PANK1: variants seen among roughly 807,000 people sequenced by gnomAD.
PANK1 encodes the protein pantothenate kinase 1.
In PANK1, 18 loss-of-function variants were observed where a neutral mutation model predicts 40.1. That is an observed-to-expected ratio of 0.45 (90% CI 0.31 to 0.67). The LOEUF (loss-of-function observed/expected upper bound fraction) is 0.67. Ranked by LOEUF, PANK1 falls within the 30% of genes least tolerant of loss-of-function variation. PANK1 has a pLI of 0.06. For missense variants in PANK1, 457 were observed against 599.6 expected (o/e 0.76, Z 2.48); for synonymous variants, 242 against 237.7 (o/e 1.02, Z -0.17).
chr10:89,627,957 G>A (rs1220902468), intron 1 of PANK1, among the ~76,000 whole-genome samples: 3 of 152,166 alleles, frequency 2.0e-5, no homozygotes, highest in Non-Finnish European at 4.4e-5. Flanking sequence ...GGCTATTAGG[G>A]AAATGCACAT....
chr10:89,615,494 C>T (rs147103313), intron 1 of PANK1, among the ~76,000 whole-genome samples: 64 of 152,292 alleles, frequency 4.2e-4, no homozygotes, highest in African/African-American at 1.5e-3. Flanking sequence ...GGCAACTCAA[C>T]AGAACAATTG....
intron 1 of PANK1, among the ~76,000 whole-genome samples, chr10:89,639,697 C>T (rs1244650742): frequency 6.6e-6 from 1 of 152,220 alleles, no homozygotes; most frequent in South Asian, 2.1e-4. Flanking sequence ...CCCACTAGGG[C>T]CCTGCCCAGC....
At chr10:89,603,135 G>A (rs1457314970) in intron 2 of PANK1, among the ~76,000 whole-genome samples, 1 of 152,068 alleles carries the variant, frequency 6.6e-6, no homozygotes, top group Non-Finnish European at 1.5e-5. Flanking sequence ...AAGATATGCT[G>A]GTAAATGTTT....
intron 1 of PANK1, 52 bp downstream of exon 1, chr10:89,644,548 C>G: frequency 6.6e-7 from 1 of 1,511,510 alleles, no homozygotes; most frequent in Non-Finnish European, 8.9e-7. Flanking sequence ...AGTCCCGGGC[C>G]CCGCACGCTG....
chr10:89,595,870 AT>A lies in PANK1; in HGVS notation c.900-1882del, dbSNP rs1564620211. Among the ~76,000 whole-genome samples the A allele has an allele frequency of 5.8e-3, 665 of 115,450 alleles. 33 individuals carry two copies. The highest frequency in any genetic ancestry group is 0.016 in the East Asian group (62 of 3,798). The allele number at this position is 115,450 out of a possible 152,430, so 75.7% of individuals were successfully genotyped here. ...TATATATATATATATATATATATAT[AT>A]ATAACTTCATTTACTAATATATATA... On this transcript the variant is annotated intron_variant, in intron 3 of 6. Transcript: ENST00000307534.
At chr10:89,589,128 TC>T (rs1357076885) in intron 5 of PANK1, among the ~76,000 whole-genome samples, 1 of 152,052 alleles carries the variant, frequency 6.6e-6, no homozygotes, top group Admixed American at 6.5e-5. Context: ...AATACCTCAA[TC>T]CCCCAACTTC....
At chr10:89,643,779 A>G in intron 1 of PANK1, 2 of 1,611,712 alleles carry the variant, frequency 1.2e-6, no homozygotes, top group Non-Finnish European at 1.7e-6. Flanking sequence ...AAGAAAAACC[A>G]GCTGTAAACT....
At chr10:89,617,402 G>A (rs1443200631) in intron 1 of PANK1, among the ~76,000 whole-genome samples, 1 of 152,146 alleles carries the variant, frequency 6.6e-6, no homozygotes, top group East Asian at 1.9e-4. Context: ...GACTTTGAAA[G>A]TCTAATGTTA....
chr10:89,606,772 C>T (rs1211876687), intron 2 of PANK1, among the ~76,000 whole-genome samples: 2 of 152,214 alleles, frequency 1.3e-5, no homozygotes, highest in Admixed American at 6.5e-5. Flanking sequence ...GATCCACCCA[C>T]CTTAGCCTCC....
chr10:89,636,423 G>GC (rs1282219605), intron 1 of PANK1, among the ~76,000 whole-genome samples: 2 of 151,710 alleles, frequency 1.3e-5, no homozygotes, highest in Non-Finnish European at 2.9e-5. Context: ...TGCAGGCTCG[G>GC]CCCCCCGGGG....
rs539361541 is a variant in PANK1 at position 89,592,526 on chromosome 10, T to A, written c.1200+671A>T. ...CAGATCTACTGTGGTTCTTTAATAC[T>A]CTCCTATGACCTGTTCCATGCCTCA... On this transcript the variant is annotated intron_variant, in intron 5 of 6. Transcript: ENST00000307534. Among the ~76,000 whole-genome samples, 12 of 152,338 alleles carry A rather than the reference T, an allele frequency of 7.9e-5. 1 individual carries two copies. In the South Asian group the frequency reaches 2.5e-3, roughly 32 times the overall value.
At chr10:89,636,227 G>T (rs1841803247) in intron 1 of PANK1, among the ~76,000 whole-genome samples, 3 of 152,150 alleles carry the variant, frequency 2.0e-5, no homozygotes, top group Admixed American at 2.0e-4. Context: ...CCTCTGGGTT[G>T]CTCCACCCTT....
At chr10:89,612,133 G>T in intron 1 of PANK1, 85 bp from the exon 2 acceptor site, 1 of 1,071,062 alleles carries the variant, frequency 9.3e-7, no homozygotes, top group Non-Finnish European at 1.3e-6. Flanking sequence ...AGCAAAAGCA[G>T]TGGTATCATA....
At chr10:89,629,247 G>C (rs1841563473) in intron 1 of PANK1, among the ~76,000 whole-genome samples, 1 of 152,184 alleles carries the variant, frequency 6.6e-6, no homozygotes, top group Non-Finnish European at 1.5e-5. Flanking sequence ...TCCTTCCAGT[G>C]CTCAGCTGCC....
At chr10:89,603,085 G>A (rs1844836404) in intron 2 of PANK1, among the ~76,000 whole-genome samples, 1 of 152,152 alleles carries the variant, frequency 6.6e-6, no homozygotes, top group South Asian at 2.1e-4. Context: ...CAGCAAATAT[G>A]CAAATGAAGC....
intron 3 of PANK1, among the ~76,000 whole-genome samples, chr10:89,597,485 A>T (rs1844646666): frequency 6.6e-6 from 1 of 152,210 alleles, no homozygotes; most frequent in African/African-American, 2.4e-5. Context: ...GAATTTGTTG[A>T]TGACTGGAGA....
At chr10:89,615,300 G>A (rs1845285141) in intron 1 of PANK1, among the ~76,000 whole-genome samples, 2 of 152,206 alleles carry the variant, frequency 1.3e-5, no homozygotes, top group Non-Finnish European at 2.9e-5. Context: ...CAGATTTCTG[G>A]AAGGAAGAGC....
At chr10:89,593,712 C>G (rs1346097324) in intron 4 of PANK1, 101 bp downstream of exon 4, 4 of 849,092 alleles carry the variant, frequency 4.7e-6, no homozygotes, top group Admixed American at 3.7e-5. Flanking sequence ...GTATCTGCAC[C>G]AGGCTGGTGG....
At chr10:89,621,226 G>A (rs1426235812) in intron 1 of PANK1, among the ~76,000 whole-genome samples, 4 of 152,032 alleles carry the variant, frequency 2.6e-5, no homozygotes, top group Non-Finnish European at 4.4e-5. Context: ...GCTTGAACCC[G>A]GGAGGTGGAG....
Sources: allele counts gnomAD v4.1 joint callset (sites outside exome capture counted in the v4.1 genomes callset), GRCh38; gene constraint gnomAD v4.1.1; transcripts MANE v1.5; gene names NCBI Gene and HGNC (gene_info 2026-07-23, HGNC 2026-07-21).